The following KCNB2 variants were observed in gnomAD, a reference collection of about 807,000 sequenced individuals.
The protein encoded by KCNB2 is potassium voltage-gated channel subfamily B member 2.
In KCNB2, 15 loss-of-function variants were observed where a neutral mutation model predicts 61.5. The observed-to-expected ratio is 0.24, with a 90% confidence interval of 0.16 to 0.38. The LOEUF is 0.38. KCNB2 is among the 10% of genes least tolerant of loss of function. KCNB2 has a pLI of 1.00. For synonymous variants in KCNB2, 457 were observed against 446.0 expected (o/e 1.02, Z -0.31); for missense variants, 828 against 1,125.2 (o/e 0.74, Z 3.78).
At chr8:72,583,183 A>T (rs1445298134) in intron 2 of KCNB2, among the ~76,000 whole-genome samples, 1 of 152,190 alleles carries the variant, frequency 6.6e-6, no homozygotes, top group Admixed American at 6.5e-5. Context: ...CTGGTATTTC[A>T]GACCTTACTG....
chr8:72,855,732 A>G (rs77406553), intron 2 of KCNB2, among the ~76,000 whole-genome samples: 2 of 152,140 alleles, frequency 1.3e-5, no homozygotes, highest in East Asian at 3.8e-4. Flanking sequence ...TTTGCCTTCC[A>G]GACCCTTTAA....
intron 2 of KCNB2, among the ~76,000 whole-genome samples, chr8:72,900,497 G>A (rs7830579): frequency 0.019 from 2,947 of 152,184 alleles, 91 homozygotes; most frequent in African/African-American, 0.066. Flanking sequence ...TTGACATGTG[G>A]AACTTAATTA....
At chr8:72,819,263 C>A (rs1403172784) in intron 2 of KCNB2, among the ~76,000 whole-genome samples, 2 of 152,050 alleles carry the variant, frequency 1.3e-5, no homozygotes, top group Non-Finnish European at 1.5e-5. Flanking sequence ...AAGCTACCCC[C>A]ACTTCATGGC....
intron 2 of KCNB2, among the ~76,000 whole-genome samples, chr8:72,714,417 C>A (rs1807386423): frequency 1.3e-5 from 2 of 152,300 alleles, no homozygotes; most frequent in South Asian, 4.1e-4. Context: ...AGAGAAAGGT[C>A]AGGTTACCCA....
chr8:72,839,959 G>A (rs1228901019), intron 2 of KCNB2, among the ~76,000 whole-genome samples: 2 of 151,200 alleles, frequency 1.3e-5, no homozygotes, highest in Admixed American at 1.3e-4. Context: ...TGTGCAGAAC[G>A]TGCAGGTTTG....
chr8:72,620,859 C>T (rs554113445), intron 2 of KCNB2, among the ~76,000 whole-genome samples: 14 of 152,230 alleles, frequency 9.2e-5, no homozygotes, highest in Admixed American at 2.6e-4. Flanking sequence ...CCACCCGCCT[C>T]GGCCTCCCAA....
intron 2 of KCNB2, among the ~76,000 whole-genome samples, chr8:72,709,457 C>T (rs1324090003): frequency 6.6e-6 from 1 of 151,682 alleles, no homozygotes; most frequent in African/African-American, 2.4e-5. Flanking sequence ...GTACAGGAAG[C>T]ACGGTGCCGG....
At chr8:72,622,746 T>C (rs1375226971) in intron 2 of KCNB2, among the ~76,000 whole-genome samples, 1 of 152,200 alleles carries the variant, frequency 6.6e-6, no homozygotes, top group Non-Finnish European at 1.5e-5. Flanking sequence ...ATAACAGTGT[T>C]AACTAAAACA....
At chr8:72,794,959 T>C (rs1265353916) in intron 2 of KCNB2, among the ~76,000 whole-genome samples, 1 of 152,192 alleles carries the variant, frequency 6.6e-6, no homozygotes, top group African/African-American at 2.4e-5. Context: ...TGTGTCTCCA[T>C]TTTAGGGTTT....
At chr8:72,759,816 A>G (rs960510369) in intron 2 of KCNB2, among the ~76,000 whole-genome samples, 4 of 152,090 alleles carry the variant, frequency 2.6e-5, no homozygotes, top group African/African-American at 9.7e-5. Flanking sequence ...TTTATCAGGA[A>G]CCCTTTTAGG....
chr8:72,565,401 A>T (rs2128978767), intron 1 of KCNB2, among the ~76,000 whole-genome samples: 1 of 152,324 alleles, frequency 6.6e-6, no homozygotes, highest in Non-Finnish European at 1.5e-5. Context: ...GGACCTCTTA[A>T]ATCTAATAGT....
chr8:72,810,130 A>C (rs1424004427), intron 2 of KCNB2, among the ~76,000 whole-genome samples: 1 of 152,150 alleles, frequency 6.6e-6, no homozygotes, highest in Admixed American at 6.5e-5. Flanking sequence ...GGAAAGAGGA[A>C]TGTCTTGAGA....
intron 2 of KCNB2, among the ~76,000 whole-genome samples, chr8:72,835,388 A>G (rs1809764629): frequency 6.6e-6 from 1 of 152,214 alleles, no homozygotes; most frequent in Admixed American, 6.5e-5. Flanking sequence ...TAACAAGCTA[A>G]GCATAAGCTC....
intron 2 of KCNB2, among the ~76,000 whole-genome samples, chr8:72,736,494 A>G (rs1019400486): frequency 1.3e-5 from 2 of 152,152 alleles, no homozygotes; most frequent in African/African-American, 2.4e-5. Context: ...TTAAGAATCC[A>G]TGACAAGTGT....
chr8:72,548,359 T>C (rs1806291523), intron 1 of KCNB2, among the ~76,000 whole-genome samples: 1 of 152,202 alleles, frequency 6.6e-6, no homozygotes, highest in Non-Finnish European at 1.5e-5. Context: ...AAACCAGTCA[T>C]TGACGCATAA....
At chr8:72,639,010 C>T (rs1031460878) in intron 2 of KCNB2, among the ~76,000 whole-genome samples, 8 of 152,284 alleles carry the variant, frequency 5.3e-5, no homozygotes, top group African/African-American at 1.7e-4. Context: ...CAGGCACATG[C>T]GGTGTGCTTA....
intron 2 of KCNB2, among the ~76,000 whole-genome samples, chr8:72,907,708 A>C (rs1330936142): frequency 6.6e-6 from 1 of 152,194 alleles, no homozygotes; most frequent in African/African-American, 2.4e-5. Flanking sequence ...GTAGGCTCGA[A>C]AGCATCAGTA....
intron 2 of KCNB2, among the ~76,000 whole-genome samples, chr8:72,609,761 A>G (rs1184890027): frequency 6.6e-6 from 1 of 152,232 alleles, no homozygotes; most frequent in Non-Finnish European, 1.5e-5. Flanking sequence ...ATTTCAGACT[A>G]CAGAGCACTA....
At chr8:72,557,411 C>T (rs199566075) in intron 1 of KCNB2, among the ~76,000 whole-genome samples, 1 of 15,028 alleles carries the variant, frequency 6.7e-5, no homozygotes, top group East Asian at 7.6e-4. Flanking sequence ...TTTTACTTTT[C>T]TTTATTTTTT....
Sources: allele counts gnomAD v4.1 joint callset (sites outside exome capture counted in the v4.1 genomes callset), GRCh38; gene constraint gnomAD v4.1.1; transcripts MANE v1.5; gene names NCBI Gene and HGNC (gene_info 2026-07-23, HGNC 2026-07-21).